ASAP3: variants seen among roughly 807,000 people sequenced by gnomAD.
ASAP3 encodes the protein arf-GAP with SH3 domain, ANK repeat and PH domain-containing protein 3.
In ASAP3, 85 loss-of-function variants were observed where a neutral mutation model predicts 118.2. The ratio of observed to expected loss-of-function variants is 0.72; its 90% CI spans 0.60 to 0.86. ASAP3 has a LOEUF of 0.86. Ranked by LOEUF, ASAP3 falls within the 40% of genes least tolerant of loss-of-function variation. The probability of loss-of-function intolerance (pLI) is 0.00; values close to 1 mark genes in which losing one functional copy is unlikely to be tolerated. For synonymous variants in ASAP3, 432 were observed against 477.4 expected (o/e 0.90, Z 1.24); for missense variants, 1,026 against 1,175.0 (o/e 0.87, Z 1.85).
At position 23,433,208 on chromosome 1, in the gene ASAP3, T is replaced by C; in HGVS notation, c.2192A>G (p.Lys731Arg). 1.2e-6 allele frequency: 2 copies of C among 1,613,922 alleles called. No individual in the cohort carries two copies. Among genetic ancestry groups the C allele is most frequent in the Non-Finnish European group, 1.7e-6 (2 of 1,179,842 alleles). The change falls in exon 22 of 25, where the codon AAG becomes AGG. Residue 731 changes from lysine to arginine, a missense_variant. Lys to Arg is a conservative substitution (Grantham distance 26). Coordinates refer to ENST00000336689, the MANE Select transcript of ASAP3 (RefSeq NM_017707.4). ...WASGRLDISN[K>R]TYETVASLGA... ...CAGGCTGGCGACAGTCTCATAGGTC[T>C]TGTTGCTGATGTCCAGCCTCCCACT... is the stretch of plus-strand genomic sequence containing the variant.
Position 23,430,001 on chromosome 1 carries a change from T to C in ASAP3, c.2638-71A>G, listed in dbSNP as rs1288759710. On this transcript the variant is annotated intron_variant, in intron 24 of 24. Transcript: ENST00000336689. ...ATACCAGGTGTTCATCTCACTCAGT[T>C]TCACATCTGTCCTATTGTAGATAAA... 2.4e-6 allele frequency: 3 copies of C among 1,243,098 alleles called. No homozygotes were observed. The East Asian group carries it at 7.1e-5, about 29-fold the overall frequency. The allele number at this position is 1,243,098 out of a possible 1,614,324, so 77.0% of individuals were successfully genotyped here.
intron 1 of ASAP3, among the ~76,000 whole-genome samples, chr1:23,462,883 G>C (rs1641642455): frequency 6.6e-6 from 1 of 152,180 alleles, no homozygotes; most frequent in African/African-American, 2.4e-5. Context: ...AGGTTCCTGG[G>C]AGTCCAGGGA....
intron 24 of ASAP3, 22 bp from the exon 25 acceptor site, chr1:23,429,952 T>C: frequency 6.2e-7 from 1 of 1,609,534 alleles, no homozygotes; most frequent in Non-Finnish European, 8.5e-7. Context: ...AGGATGAAAC[T>C]GACATTTTCA....
chr1:23,431,042 T>G lies in ASAP3; in HGVS notation c.2630A>C (p.Asn877Thr), dbSNP rs764534286. The change falls in exon 24 of 25, where the codon AAC (asparagine) becomes ACC (threonine). Residue 877 changes from asparagine (N) to threonine (T), a missense_variant. Physicochemically the swap from Asn to Thr is moderately conservative, Grantham distance 65. Coordinates refer to ENST00000336689, the MANE Select transcript of ASAP3 (RefSeq NM_017707.4). ...PSARQPLPRR[N>T]VPVGITEGDG... is the part of the protein sequence containing the mutation. ...TGGTCCCAGAGTTCCTACCGGCACG[T>G]TCCTTCTGGGCAGAGGCTGCCTGGC... 1.3e-6 allele frequency: 2 copies of G among 1,583,362 alleles called. No homozygotes were observed. The highest frequency in any genetic ancestry group is 1.7e-6 in the Non-Finnish European group (2 of 1,166,380).
At chr1:23,440,076 A>G (rs1053937161) in intron 10 of ASAP3, among the ~76,000 whole-genome samples, 1 of 149,656 alleles carries the variant, frequency 6.7e-6, no homozygotes, top group Non-Finnish European at 1.5e-5. Context: ...TTGGCCTCCC[A>G]AAGTGCTGGG....
chr1:23,457,799 C>T (rs1463018151), intron 1 of ASAP3, among the ~76,000 whole-genome samples: 1 of 152,220 alleles, frequency 6.6e-6, no homozygotes, highest in Non-Finnish European at 1.5e-5. Flanking sequence ...AGGCATGAGC[C>T]ACCGTGCCCG....
At chr1:23,463,593 T>C (rs1381897142) in intron 1 of ASAP3, among the ~76,000 whole-genome samples, 1 of 151,978 alleles carries the variant, frequency 6.6e-6, no homozygotes, top group East Asian at 1.9e-4. Context: ...TTAAAATAGA[T>C]TTTTATTTTT....
intron 1 of ASAP3, among the ~76,000 whole-genome samples, chr1:23,475,123 A>G (rs1180174487): frequency 1.3e-5 from 2 of 152,152 alleles, no homozygotes; most frequent in Admixed American, 1.3e-4. Context: ...AAAGCTGAAA[A>G]CAACAAATTC....
chr1:23,472,728 A>T (rs1570408305), intron 1 of ASAP3, among the ~76,000 whole-genome samples: 1 of 152,172 alleles, frequency 6.6e-6, no homozygotes, highest in East Asian at 1.9e-4. Context: ...TAACTACCCT[A>T]TGTGCAGGTG....
intron 17 of ASAP3, among the ~76,000 whole-genome samples, chr1:23,435,326 G>A (rs1017619362): frequency 1.3e-5 from 2 of 152,210 alleles, no homozygotes; most frequent in African/African-American, 4.8e-5. Flanking sequence ...ACCACACCCA[G>A]CCAACATCCA....
Position 23,455,935 on chromosome 1 carries a change from G to A in ASAP3, c.294C>T (p.Gly98=), listed in dbSNP as rs771426713. 6.2e-7 allele frequency: 1 copy of A among 1,614,208 alleles called. No homozygotes were observed. Among genetic ancestry groups the A allele is most frequent in the Non-Finnish European group, 8.5e-7 (1 of 1,180,038 alleles). Residue 98 remains glycine (G), a synonymous_variant, in exon 3 of 25, where the codon GGC becomes GGT. Coordinates refer to ENST00000336689, the MANE Select transcript of ASAP3 (RefSeq NM_017707.4). ...GGGTGAACACGGCCAAGTTTAGGAA[G>A]CCTGTGGACAGCTCATGGCTGTTCT... is the stretch of plus-strand genomic sequence containing the variant. ...LSQNSHELST[G]FLNLAVFTRE...
chr1:23,430,896 T>C, intron 24 of ASAP3, 139 bp downstream of exon 24: 1 of 817,958 alleles, frequency 1.2e-6, no homozygotes, highest in Non-Finnish European at 1.9e-6. Flanking sequence ...GGACAGGGAC[T>C]GTCCAAACTG....
At chr1:23,481,227 G>C (rs1430621046) in intron 1 of ASAP3, among the ~76,000 whole-genome samples, 1 of 152,130 alleles carries the variant, frequency 6.6e-6, no homozygotes. Context: ...GATCTGCCCA[G>C]GGTCCTTCCC....
intron 1 of ASAP3, 125 bp from the exon 2 acceptor site, chr1:23,456,319 G>C: frequency 1.1e-6 from 1 of 900,042 alleles, no homozygotes; most frequent in Non-Finnish European, 1.7e-6. Flanking sequence ...GAGTTTTGCT[G>C]TCCTCTGGAA....
chr1:23,470,653 C>T (rs2148657218), intron 1 of ASAP3, among the ~76,000 whole-genome samples: 1 of 152,360 alleles, frequency 6.6e-6, no homozygotes, highest in Middle Eastern at 3.4e-3. Flanking sequence ...ATCCCCTGGC[C>T]TCTTGCTGTT....
intron 1 of ASAP3, among the ~76,000 whole-genome samples, chr1:23,479,489 A>T (rs934151262): frequency 6.6e-6 from 1 of 152,226 alleles, no homozygotes; most frequent in African/African-American, 2.4e-5. Flanking sequence ...AACAGAAACA[A>T]GCTTGACAGG....
intron 1 of ASAP3, among the ~76,000 whole-genome samples, chr1:23,478,465 T>TA (rs1168394929): frequency 2.9e-4 from 42 of 145,568 alleles, no homozygotes; most frequent in African/African-American, 9.8e-4. Flanking sequence ...AACTCTATCT[T>TA]AAAAAAAAAC....
intron 3 of ASAP3, among the ~76,000 whole-genome samples, chr1:23,454,185 A>ATT (rs66675239): frequency 5.0e-5 from 5 of 100,074 alleles, no homozygotes; most frequent in African/African-American, 7.2e-5. Flanking sequence ...CACACCTGGC[A>ATT]TTTTTTTTTT....
chr1:23,435,289 A>G (rs953946132), intron 17 of ASAP3, among the ~76,000 whole-genome samples: 1 of 152,200 alleles, frequency 6.6e-6, no homozygotes, highest in Non-Finnish European at 1.5e-5. Context: ...TTGGCCTCCC[A>G]AAGTGTTGGG....
Sources: allele counts gnomAD v4.1 joint callset (sites outside exome capture counted in the v4.1 genomes callset), GRCh38; gene constraint gnomAD v4.1.1; transcripts MANE v1.5; gene names NCBI Gene and HGNC (gene_info 2026-07-23, HGNC 2026-07-21).